Variants in SV2C observed in about 807,000 individuals in gnomAD.
The protein encoded by SV2C is synaptic vesicle glycoprotein 2C, also known as solute carrier family 22 member B3.
In SV2C, 49 loss-of-function variants were observed where a neutral mutation model predicts 79.7. That is an observed-to-expected ratio of 0.61 (90% CI 0.49 to 0.78). The LOEUF is 0.78. SV2C is among the 30% of genes least tolerant of loss of function. SV2C has a pLI of 0.00. For missense variants in SV2C, 833 were observed against 912.9 expected (o/e 0.91, Z 1.13); for synonymous variants, 334 against 333.2 (o/e 1.00, Z -0.03).
the SV2C span, among the ~76,000 whole-genome samples, chr5:76,010,766 A>G: frequency 2.0e-5 from 3 of 152,326 alleles, no homozygotes; most frequent in East Asian, 5.8e-4. Context: ...GTATGTATTA[A>G]GTCTGTATGG....
intron 3 of SV2C, among the ~76,000 whole-genome samples, chr5:76,195,974 A>C (rs1744259945): frequency 6.6e-6 from 1 of 152,096 alleles, no homozygotes; most frequent in African/African-American, 2.4e-5. Context: ...CTTTTTTTTC[A>C]AGATGTCTAA....
chr5:75,921,401 G>A, the SV2C span: 189 of 819,034 alleles, frequency 2.3e-4, 1 homozygote, highest in African/African-American at 1.9e-3. Context: ...GTCAAACTGC[G>A]CTTGGGGAAG....
chr5:76,061,227 T>A, the SV2C span, among the ~76,000 whole-genome samples: 1 of 122,214 alleles, frequency 8.2e-6, no homozygotes, highest in East Asian at 2.3e-4. Context: ...ATGGTCCCCA[T>A]AGATTTACTT....
the SV2C span, among the ~76,000 whole-genome samples, chr5:76,071,120 G>A: frequency 6.6e-6 from 1 of 152,192 alleles, no homozygotes; most frequent in African/African-American, 2.4e-5. Flanking sequence ...GAGAGAGCAG[G>A]CAAGTGCTCC....
chr5:76,125,225 T>A (rs1748664640), intron 1 of SV2C, among the ~76,000 whole-genome samples: 1 of 152,234 alleles, frequency 6.6e-6, no homozygotes, highest in East Asian at 1.9e-4. Context: ...TCTATTTTTA[T>A]AGCAAGTCTG....
At chr5:76,079,085 T>C (rs1382690950), upstream of SV2C, 1 of 379,934 alleles carries the variant, frequency 2.6e-6, no homozygotes, top group Non-Finnish European at 5.3e-6. Flanking sequence ...ATAGATGAAG[T>C]GGTGTACAAT....
chr5:76,105,679 A>G (rs1747886064), intron 1 of SV2C, among the ~76,000 whole-genome samples: 1 of 152,140 alleles, frequency 6.6e-6, no homozygotes, highest in Non-Finnish European at 1.5e-5. Flanking sequence ...CATACTTAAT[A>G]ATTATTTACA....
In SV2C at chr5:76,301,416, G is replaced by C. The variant is rs1170985439; in HGVS notation, c.1871G>C (p.Cys624Ser). 2 of 1,613,940 alleles carry C rather than the reference G, an allele frequency of 1.2e-6. No homozygotes were observed. The highest frequency in any genetic ancestry group is 2.7e-5 in the African/African-American group (2 of 74,900). Residue 624 changes from cysteine to serine, a missense_variant, in exon 12 of 13, where the codon TGT (cysteine) becomes TCT (serine). Coordinates refer to ENST00000502798, the MANE Select transcript of SV2C (RefSeq NM_014979.4). ...GGSMVLSGIS[C>S]FFLWFGTSES... ...TCTATGGTGCTTTCGGGGATCAGCT[G>C]TTTCTTCCTTTGGTTCGGCACCAGT...
intron 2 of SV2C, among the ~76,000 whole-genome samples, chr5:76,188,944 T>C (rs1437052664): frequency 6.6e-6 from 1 of 151,342 alleles, no homozygotes; most frequent in Non-Finnish European, 1.5e-5. Flanking sequence ...TGTGAAAGCT[T>C]ACACCTCAGT....
chr5:76,288,769 A>G (rs1158545202), intron 6 of SV2C, among the ~76,000 whole-genome samples: 1 of 152,180 alleles, frequency 6.6e-6, no homozygotes, highest in African/African-American at 2.4e-5. Flanking sequence ...TTTATATGTG[A>G]CTTTCAAAAA....
At chr5:76,174,418 T>G (rs1743458413) in intron 2 of SV2C, among the ~76,000 whole-genome samples, 1 of 152,204 alleles carries the variant, frequency 6.6e-6, no homozygotes, top group South Asian at 2.1e-4. Context: ...GAGTTAATAA[T>G]GAAAGAGCAA....
At chr5:76,349,374 A>G (rs1463639799) in intron 12 of SV2C, among the ~76,000 whole-genome samples, 1 of 152,040 alleles carries the variant, frequency 6.6e-6, no homozygotes, top group Non-Finnish European at 1.5e-5. Flanking sequence ...TTAGCCAGGC[A>G]TGGTGACGCG....
the SV2C span, among the ~76,000 whole-genome samples, chr5:75,937,737 AC>A: frequency 6.6e-6 from 1 of 152,008 alleles, no homozygotes; most frequent in Non-Finnish European, 1.5e-5. Flanking sequence ...ACAAAACAAA[AC>A]AAAACTGTGC....
chr5:75,871,814 T>TAA, the SV2C span, among the ~76,000 whole-genome samples: 3,494 of 144,840 alleles, frequency 0.024, 145 homozygotes, highest in African/African-American at 0.087. Flanking sequence ...CTCAAATATA[T>TAA]AAATATATAT....
At chr5:75,866,070 A>G in the SV2C span, among the ~76,000 whole-genome samples, 2 of 152,204 alleles carry the variant, frequency 1.3e-5, no homozygotes, top group African/African-American at 4.8e-5. Flanking sequence ...GTTCTGAGCC[A>G]CTTACTTCCC....
At chr5:76,232,535 A>G (rs1328669907) in intron 4 of SV2C, among the ~76,000 whole-genome samples, 43 of 150,368 alleles carry the variant, frequency 2.9e-4, no homozygotes, top group Admixed American at 6.6e-5. Flanking sequence ...CTGAATGGTA[A>G]TGCCTAGGTT....
the SV2C span, among the ~76,000 whole-genome samples, chr5:75,898,983 C>A: frequency 6.6e-6 from 1 of 152,134 alleles, no homozygotes; most frequent in South Asian, 2.1e-4. Context: ...GTCTTGCTAG[C>A]GGTCTAACAA....
At chr5:76,269,813 A>G (rs143913721) in intron 4 of SV2C, among the ~76,000 whole-genome samples, 7 of 152,314 alleles carry the variant, frequency 4.6e-5, no homozygotes, top group Non-Finnish European at 7.4e-5. Flanking sequence ...TAGCATTCAG[A>G]GAAGTGATAG....
chr5:76,232,522 G>A (rs1288448509), intron 4 of SV2C, among the ~76,000 whole-genome samples: 1 of 149,974 alleles, frequency 6.7e-6, no homozygotes, highest in East Asian at 1.9e-4. Flanking sequence ...CCATGCCTAT[G>A]TCCTGAATGG....
Sources: allele counts gnomAD v4.1 joint callset (sites outside exome capture counted in the v4.1 genomes callset), GRCh38; gene constraint gnomAD v4.1.1; transcripts MANE v1.5; gene names NCBI Gene and HGNC (gene_info 2026-07-23, HGNC 2026-07-21).